Variants in BOC observed in about 807,000 individuals in gnomAD.
BOC encodes the protein BOC cell adhesion associated, oncogene regulated.
Under a neutral mutation model 112.0 loss-of-function variants are expected in BOC, and 76 were observed. The ratio of observed to expected loss-of-function variants is 0.68; its 90% CI spans 0.56 to 0.82. The LOEUF (loss-of-function observed/expected upper bound fraction) is 0.82, where lower values mean the gene tolerates loss of function less well. Among genes scored for constraint, BOC ranks in the 40% least tolerant of loss-of-function variants. The probability of loss-of-function intolerance (pLI) is 0.00; values close to 1 mark genes in which losing one functional copy is unlikely to be tolerated. For synonymous variants in BOC, 580 were observed against 599.8 expected (o/e 0.97, Z 0.48); for missense variants, 1,309 against 1,511.7 (o/e 0.87, Z 2.22).
chr3:113,265,994 A>G (rs1363858288), intron 4 of BOC, among the ~76,000 whole-genome samples: 2 of 152,250 alleles, frequency 1.3e-5, no homozygotes, highest in African/African-American at 2.4e-5. Flanking sequence ...TAGGCTTCTC[A>G]CCAGGAATTT....
chr3:113,235,681 A>G (rs927347593), intron 2 of BOC, among the ~76,000 whole-genome samples: 1 of 152,220 alleles, frequency 6.6e-6, no homozygotes, highest in Non-Finnish European at 1.5e-5. Context: ...ATTAGGAACT[A>G]CATCTTGCCA....
At chr3:113,272,922 AG>A (rs1948285420) in intron 7 of BOC, 146 bp from the exon 8 acceptor site, 3 of 1,138,274 alleles carry the variant, frequency 2.6e-6, no homozygotes, top group Non-Finnish European at 3.7e-6. Flanking sequence ...TGGAGACATC[AG>A]ACCTCTCCTT....
chr3:113,219,904 C>A (rs1280271737), intron 2 of BOC, among the ~76,000 whole-genome samples: 3 of 152,180 alleles, frequency 2.0e-5, no homozygotes, highest in South Asian at 2.1e-4. Context: ...TTTCTTCCCC[C>A]CTCCCCTGGG....
At chr3:113,229,567 G>A (rs1184784702) in intron 2 of BOC, among the ~76,000 whole-genome samples, 1 of 152,176 alleles carries the variant, frequency 6.6e-6, no homozygotes, top group East Asian at 1.9e-4. Flanking sequence ...CTTTGCAATG[G>A]CGGCCTCCTC....
At chr3:113,236,595 C>T (rs1168785315) in intron 2 of BOC, among the ~76,000 whole-genome samples, 1 of 151,954 alleles carries the variant, frequency 6.6e-6, no homozygotes, top group African/African-American at 2.4e-5. Flanking sequence ...TGTTTACACT[C>T]ACACAATGTA....
In BOC at chr3:113,273,154, C is replaced by A; in HGVS notation, c.1047C>A (p.Asn349Lys). The part of the protein sequence containing the change: ...SAKLTCEVRG[N>K]PPPSVLWLRN... ...AGCTTACCTGTGAGGTGCGTGGGAA[C>A]CCCCCGCCCTCCGTGCTGTGGCTGA... is the stretch of plus-strand genomic sequence containing the variant. The change falls in exon 8 of 20, where the codon AAC becomes AAA. Residue 349 changes from asparagine to lysine, a missense_variant. Coordinates refer to ENST00000682979, the MANE Select transcript of BOC (RefSeq NM_001378074.1). The A allele has an allele frequency of 6.2e-7, 1 of 1,613,842 alleles. No homozygotes were observed.
intron 2 of BOC, among the ~76,000 whole-genome samples, chr3:113,216,992 C>T (rs1393154674): frequency 6.6e-6 from 1 of 152,170 alleles, no homozygotes; most frequent in African/African-American, 2.4e-5. Flanking sequence ...TTATTCTTCT[C>T]CAAAGTGAGT....
chr3:113,279,931 G>A lies in BOC; in HGVS notation c.2131G>A (p.Glu711Lys), dbSNP rs200692186. 3.1e-5 allele frequency: 50 copies of A among 1,613,884 alleles called. No individual in the cohort carries two copies. The Middle Eastern group carries it at 4.9e-4, about 16-fold the overall frequency. ...GTCGGGCTACAGCGGTCGCGTGTAC[G>A]AGAGGCCCGTGGCAGGTCCTTATAT... Reference protein sequence around the residue: ...VVSGYSGRVYERPVAGPYITF... With the variant: ...VVSGYSGRVYKRPVAGPYITF... Residue 711 changes from glutamate to lysine, a missense_variant, in exon 13 of 20, where the codon GAG (glutamate) becomes AAG (lysine). Glu to Lys is a moderately conservative substitution (Grantham distance 56). Coordinates refer to ENST00000682979, the MANE Select transcript of BOC (RefSeq NM_001378074.1).
chr3:113,217,121 G>A (rs1045176349), intron 2 of BOC, among the ~76,000 whole-genome samples: 2 of 152,198 alleles, frequency 1.3e-5, no homozygotes, highest in Admixed American at 1.3e-4. Flanking sequence ...ATTAATACCA[G>A]AGCCCATGCG....
intron 2 of BOC, among the ~76,000 whole-genome samples, chr3:113,241,825 A>T (rs916950096): frequency 6.6e-6 from 1 of 151,526 alleles, no homozygotes; most frequent in Non-Finnish European, 1.5e-5. Flanking sequence ...CCCCCTCCCC[A>T]CCTCCCCCTA....
chr3:113,275,167 C>T (rs1948531661), intron 9 of BOC, among the ~76,000 whole-genome samples: 1 of 152,256 alleles, frequency 6.6e-6, no homozygotes, highest in African/African-American at 2.4e-5. Flanking sequence ...AGTGTTTTCT[C>T]TGTAGGCTGT....
rs567283488 is a variant in BOC, at chr3:113,266,046, T to G, written c.377-2253T>G. On this transcript the variant is annotated intron_variant, in intron 4 of 19. Coordinates refer to ENST00000682979, the MANE Select transcript of BOC (RefSeq NM_001378074.1). Reference sequence around the variant, plus strand: ...CAGATATCACACACAAAACATTAAATAATTTTGAAATCATTATTTAAAAGC... The same window carrying G: ...CAGATATCACACACAAAACATTAAAGAATTTTGAAATCATTATTTAAAAGC... 1.3e-3 allele frequency among the ~76,000 whole-genome samples: 204 copies of G among 152,362 alleles called. 1 individual carries two copies. The highest frequency in any genetic ancestry group is 4.6e-3 in the African/African-American group (192 of 41,588).
intron 2 of BOC, among the ~76,000 whole-genome samples, chr3:113,235,876 A>C (rs575785374): frequency 6.6e-6 from 1 of 152,332 alleles, no homozygotes; most frequent in Admixed American, 6.5e-5. Context: ...AAGAGCAAAG[A>C]GATGAAATCA....
At chr3:113,215,376 G>A (rs969678982) in intron 1 of BOC, among the ~76,000 whole-genome samples, 1 of 152,162 alleles carries the variant, frequency 6.6e-6, no homozygotes, top group African/African-American at 2.4e-5. Flanking sequence ...GCCTTTAGGA[G>A]GGTTAGGAAA....
chr3:113,273,308 C>T lies in BOC; in HGVS notation c.1201C>T (p.His401Tyr). The stretch of plus-strand genomic sequence containing the variant: ...GGCCGAGAACGAGGTTGGGAGCGCC[C>T]ATGCCGTAGTCCAGCTGCGGACCTC... Reference protein sequence around the residue: ...CMAENEVGSAHAVVQLRTSRP... With the variant: ...CMAENEVGSAYAVVQLRTSRP... The change falls in exon 8 of 20, where the codon CAT (histidine) becomes TAT (tyrosine). Residue 401 changes from histidine to tyrosine, a missense_variant. His to Tyr is a moderately conservative substitution (Grantham distance 83, BLOSUM62 2). Transcript: ENST00000682979. 6.3e-7 allele frequency: 1 copy of T among 1,598,612 alleles called. No individual in the cohort carries two copies.
intron 6 of BOC, chr3:113,271,471 C>T (rs944281661): frequency 1.6e-5 from 5 of 313,194 alleles, no homozygotes; most frequent in East Asian, 8.5e-5. Context: ...TGTGCGCTTG[C>T]CTGGATCCCT....
At chr3:113,234,050 A>G (rs1943088651) in intron 2 of BOC, among the ~76,000 whole-genome samples, 2 of 152,228 alleles carry the variant, frequency 1.3e-5, no homozygotes. Flanking sequence ...GGAGGTCTTT[A>G]CAGCTTAGCA....
intron 5 of BOC, chr3:113,270,534 C>T (rs1947992601): frequency 2.3e-6 from 1 of 438,488 alleles, no homozygotes; most frequent in Non-Finnish European, 4.1e-6. Context: ...TTGACCTATG[C>T]ACTAAGTTGT....
chr3:113,271,277 G>A (rs1432369310), intron 6 of BOC: 7 of 507,000 alleles, frequency 1.4e-5, no homozygotes, highest in Non-Finnish European at 2.3e-5. Context: ...AAGCTCAGCA[G>A]CGGACACAGC....
Sources: gnomAD v4.1 joint callset for allele counts (sites outside exome capture counted in the v4.1 genomes callset) on GRCh38, gnomAD v4.1.1 for gene constraint, MANE v1.5 for transcripts, NCBI Gene and HGNC (gene_info 2026-07-23, HGNC 2026-07-21) for gene names.